The following FAM124A variants were observed in gnomAD, a reference collection of about 807,000 sequenced individuals.
The protein encoded by FAM124A is family with sequence similarity 124 member A, also known as protein FAM124A.
FAM124A carries 23 observed loss-of-function variants against 24.5 expected under a neutral mutation model. The ratio of observed to expected loss-of-function variants is 0.94; its 90% CI spans 0.68 to 1.33. The LOEUF is 1.33. Among genes scored for constraint, FAM124A ranks in the 40% most tolerant of loss-of-function variants. FAM124A has a pLI of 0.00. For missense variants in FAM124A, 623 were observed against 722.8 expected, an observed-to-expected ratio of 0.86 and a Z score of 1.58; for synonymous variants, 287 against 314.7, an observed-to-expected ratio of 0.91 and a Z score of 0.93.
chr13:51,244,434 A>G (rs1326597225), intron 2 of FAM124A, among the ~76,000 whole-genome samples: 1 of 152,244 alleles, frequency 6.6e-6, no homozygotes, highest in Admixed American at 6.5e-5. Flanking sequence ...TAAATAAATG[A>G]TGAAACTAAA....
intron 3 of FAM124A, chr13:51,253,114 C>T (rs1954641912): frequency 6.6e-6 from 1 of 152,206 alleles, no homozygotes. Context: ...AAAGCCTCTA[C>T]CTCTGACGTC....
At chr13:51,273,487 G>T (rs762377793) in intron 3 of FAM124A, among the ~76,000 whole-genome samples, 3 of 152,110 alleles carry the variant, frequency 2.0e-5, no homozygotes, top group Admixed American at 2.0e-4. Flanking sequence ...TGCCCAGGCC[G>T]GTCTCAAACT....
At chr13:51,253,381 T>G (rs2137681590) in intron 3 of FAM124A, 1 of 152,312 alleles carries the variant, frequency 6.6e-6, no homozygotes, top group East Asian at 1.9e-4. Flanking sequence ...TACTTACTAT[T>G]TATAGGAACT....
intron 1 of FAM124A, among the ~76,000 whole-genome samples, chr13:51,230,087 A>T (rs1252941971): frequency 6.6e-6 from 1 of 152,132 alleles, no homozygotes; most frequent in Non-Finnish European, 1.5e-5. Context: ...ATATATATAT[A>T]TATGAATGCA....
intron 3 of FAM124A, among the ~76,000 whole-genome samples, chr13:51,262,397 A>G (rs1386443648): frequency 6.6e-6 from 1 of 152,224 alleles, no homozygotes; most frequent in Non-Finnish European, 1.5e-5. Context: ...CAATATTTTT[A>G]AAAATCACTT....
intron 3 of FAM124A, among the ~76,000 whole-genome samples, chr13:51,273,196 C>G (rs1436147295): frequency 2.0e-5 from 3 of 152,170 alleles, no homozygotes; most frequent in African/African-American, 7.2e-5. Context: ...TGGCATCTCT[C>G]CTCCACCAGG....
Position 51,281,117 on chromosome 13 carries a change from C to G in FAM124A, c.1502C>G (p.Pro501Arg). Residue 501 changes from proline to arginine, a missense_variant, in exon 4 of 4, where the codon CCC becomes CGC. By Grantham distance (103) the Pro-to-Arg change is moderately radical. Transcript: ENST00000322475. Reference sequence around the variant, plus strand: ...ACAGCTCGTGCTGCTCCCCCAGCTCCCAGCACCTCCACCCTCACAGACTCC... The same window carrying G: ...ACAGCTCGTGCTGCTCCCCCAGCTCGCAGCACCTCCACCCTCACAGACTCC... ...SATARAAPPAPSTSTLTDSSP... is the reference protein window; with the variant it reads ...SATARAAPPARSTSTLTDSSP... 1 of 1,614,086 alleles carries G rather than the reference C, an allele frequency of 6.2e-7. No homozygotes were observed. The highest frequency in any genetic ancestry group is 8.5e-7 in the Non-Finnish European group (1 of 1,180,040).
intron 3 of FAM124A, among the ~76,000 whole-genome samples, chr13:51,259,184 G>C (rs1954706501): frequency 6.6e-6 from 1 of 152,116 alleles, no homozygotes; most frequent in Admixed American, 6.5e-5. Context: ...CTCCACTTCT[G>C]CTGCCACCTC....
chr13:51,277,056 T>C (rs1228272350), intron 3 of FAM124A, among the ~76,000 whole-genome samples: 1 of 151,902 alleles, frequency 6.6e-6, no homozygotes, highest in Non-Finnish European at 1.5e-5. Flanking sequence ...CTGTCCACAG[T>C]AGCAAAGATA....
chr13:51,245,643 T>C (rs1954550775), intron 2 of FAM124A, among the ~76,000 whole-genome samples: 1 of 152,218 alleles, frequency 6.6e-6, no homozygotes, highest in South Asian at 2.1e-4. Context: ...ATTGTGCCCT[T>C]GAGTAGTGAG....
intron 3 of FAM124A, among the ~76,000 whole-genome samples, chr13:51,260,736 A>G (rs1345104846): frequency 6.6e-6 from 1 of 152,142 alleles, no homozygotes; most frequent in Non-Finnish European, 1.5e-5. Flanking sequence ...TGGCATTTCC[A>G]GTGCTGGCGT....
intron 2 of FAM124A, among the ~76,000 whole-genome samples, chr13:51,231,706 A>C (rs895266660): frequency 7.2e-5 from 11 of 152,202 alleles, no homozygotes; most frequent in African/African-American, 2.2e-4. Context: ...GGCAAACAGA[A>C]AGCTCAGAGC....
intron 2 of FAM124A, among the ~76,000 whole-genome samples, chr13:51,245,090 C>T (rs1954542731): frequency 6.6e-6 from 1 of 152,208 alleles, no homozygotes; most frequent in African/African-American, 2.4e-5. Context: ...CTATCTCCTG[C>T]AGAGAGAGGG....
chr13:51,276,365 T>C (rs1355400744), intron 3 of FAM124A, among the ~76,000 whole-genome samples: 1 of 152,214 alleles, frequency 6.6e-6, no homozygotes, highest in Non-Finnish European at 1.5e-5. Context: ...TATGTTGCTA[T>C]AACTGATGAT....
chr13:51,245,392 C>G (rs1358485842), intron 2 of FAM124A: 7 of 685,868 alleles, frequency 1.0e-5, no homozygotes, highest in East Asian at 8.4e-5. Flanking sequence ...AAGATGGAGC[C>G]TCCAGGTTGA....
intron 3 of FAM124A, among the ~76,000 whole-genome samples, chr13:51,266,080 T>G (rs1362452992): frequency 1.5e-5 from 2 of 131,290 alleles, no homozygotes; most frequent in African/African-American, 2.6e-5. Flanking sequence ...TCTAGGGGTG[T>G]TGTTCTTTAA....
At chr13:51,256,438 G>C (rs1169457223) in intron 3 of FAM124A, among the ~76,000 whole-genome samples, 1 of 152,204 alleles carries the variant, frequency 6.6e-6, no homozygotes, top group Non-Finnish European at 1.5e-5. Flanking sequence ...CTGACATAGA[G>C]AATTATTACC....
At chr13:51,243,986 G>C (rs552142868) in intron 2 of FAM124A, among the ~76,000 whole-genome samples, 1 of 152,196 alleles carries the variant, frequency 6.6e-6, no homozygotes, top group Non-Finnish European at 1.5e-5. Flanking sequence ...ACTCAGTGCC[G>C]TTGATGGGGG....
chr13:51,257,058 T>A (rs997121802), intron 3 of FAM124A, among the ~76,000 whole-genome samples: 13 of 152,254 alleles, frequency 8.5e-5, no homozygotes, highest in Non-Finnish European at 1.8e-4. Flanking sequence ...ATTGCAGGAA[T>A]ATGATAGATT....
Sources: gnomAD v4.1 joint callset for allele counts (sites outside exome capture counted in the v4.1 genomes callset) on GRCh38, gnomAD v4.1.1 for gene constraint, MANE v1.5 for transcripts, NCBI Gene and HGNC (gene_info 2026-07-23, HGNC 2026-07-21) for gene names.